The following GSG1L variants were observed in gnomAD, a reference collection of about 807,000 sequenced individuals.
The protein encoded by GSG1L is germ cell-specific gene 1-like protein.
A neutral mutation model predicts 42.1 loss-of-function variants in GSG1L; 24 were observed. The observed-to-expected ratio is 0.57, with a 90% CI of 0.41 to 0.80. The LOEUF (loss-of-function observed/expected upper bound fraction) is 0.80. GSG1L is among the 30% of genes least tolerant of loss of function. The pLI, the probability that GSG1L is intolerant of heterozygous loss-of-function variation, is 0.00. For synonymous variants in GSG1L, 215 were observed against 203.5 expected (o/e 1.06, Z -0.48); for missense variants, 445 against 472.2 (o/e 0.94, Z 0.53).
At chr16:27,981,366 A>G (rs1379074492) in intron 1 of GSG1L, among the ~76,000 whole-genome samples, 1 of 152,212 alleles carries the variant, frequency 6.6e-6, no homozygotes, top group Non-Finnish European at 1.5e-5. Flanking sequence ...AATGATTTTA[A>G]CTGGTTGGCA....
intron 1 of GSG1L, among the ~76,000 whole-genome samples, chr16:28,053,031 G>A (rs1471516272): frequency 6.6e-6 from 1 of 152,368 alleles, no homozygotes; most frequent in Non-Finnish European, 1.5e-5. Flanking sequence ...GGCAGAGAGT[G>A]TGGCCAGTGG....
intron 2 of GSG1L, among the ~76,000 whole-genome samples, chr16:27,920,829 G>A (rs1023394756): frequency 6.6e-6 from 1 of 152,200 alleles, no homozygotes; most frequent in Non-Finnish European, 1.5e-5. Context: ...CTGAGCAGAG[G>A]CAACCAGGCA....
rs1310642451 is a variant in GSG1L at position 27,888,567 on chromosome 16, CTTT to C, written c.398-3932_398-3930del. On this transcript the variant is annotated intron_variant, in intron 2 of 6. Transcript: ENST00000447459. ...TCTTTCTTTCTTTCTTTCTTTCTTT[CTTT>C]CTTTCTTTCTTTCTCCGTCTCTCTC... 2.4e-5 allele frequency among the ~76,000 whole-genome samples: 3 copies of C among 126,822 alleles called. 1 individual carries two copies. The highest frequency in any genetic ancestry group is 9.3e-5 in the African/African-American group (3 of 32,124). The allele number at this position is 126,822 out of a possible 152,430, so 83.2% of individuals were successfully genotyped here.
At chr16:28,052,254 A>C (rs2086229249) in intron 1 of GSG1L, among the ~76,000 whole-genome samples, 1 of 152,060 alleles carries the variant, frequency 6.6e-6, no homozygotes, top group South Asian at 2.1e-4. Flanking sequence ...TCAACCTGTT[A>C]TCAGTGTTCC....
chr16:27,882,979 G>C (rs892132326), intron 3 of GSG1L, among the ~76,000 whole-genome samples: 1 of 151,894 alleles, frequency 6.6e-6, no homozygotes, highest in Non-Finnish European at 1.5e-5. Context: ...TCGTGGTCGG[G>C]GGGATGGGGG....
chr16:27,995,818 G>C (rs2085509068), intron 1 of GSG1L, among the ~76,000 whole-genome samples: 1 of 151,488 alleles, frequency 6.6e-6, no homozygotes, highest in Admixed American at 6.6e-5. Context: ...GGCTCCAGTA[G>C]GCTCTCAACC....
At chr16:28,002,336 G>T (rs2085586760) in intron 1 of GSG1L, among the ~76,000 whole-genome samples, 1 of 152,148 alleles carries the variant, frequency 6.6e-6, no homozygotes, top group Non-Finnish European at 1.5e-5. Flanking sequence ...AGATCCAGGG[G>T]GTGGCCACAC....
chr16:27,993,454 T>C (rs2085476274), intron 1 of GSG1L, among the ~76,000 whole-genome samples: 1 of 152,096 alleles, frequency 6.6e-6, no homozygotes, highest in Non-Finnish European at 1.5e-5. Context: ...CCACTTTCAA[T>C]CATATTTGGA....
intron 1 of GSG1L, among the ~76,000 whole-genome samples, chr16:28,017,165 T>C (rs1302129604): frequency 6.6e-6 from 1 of 152,202 alleles, no homozygotes; most frequent in Non-Finnish European, 1.5e-5. Flanking sequence ...AGGACTGAGA[T>C]AATGGCCTTA....
chr16:27,916,275 C>T (rs2059638576), intron 2 of GSG1L, among the ~76,000 whole-genome samples: 1 of 152,048 alleles, frequency 6.6e-6, no homozygotes, highest in Non-Finnish European at 1.5e-5. Flanking sequence ...TTATCTTCCT[C>T]TGCCCTCTCT....
chr16:27,959,589 C>T lies in GSG1L; in HGVS notation c.397+3567G>A, dbSNP rs558455852. 5.0e-4 allele frequency among the ~76,000 whole-genome samples: 75 copies of T among 150,432 alleles called. 2 individuals are homozygous for T. Among genetic ancestry groups the T allele is most frequent in the Admixed American group, 8.7e-4 (13 of 15,010 alleles). On this transcript the variant is annotated intron_variant, in intron 2 of 6. Coordinates refer to ENST00000447459, the MANE Select transcript of GSG1L (RefSeq NM_001109763.2). ...AAGGGCAGAAGGGCAAAAGGGAGGACGGGAGAAAGGAAGAAAGAAAGAAAA... is the reference window on the plus strand; with the variant it reads ...AAGGGCAGAAGGGCAAAAGGGAGGATGGGAGAAAGGAAGAAAGAAAGAAAA...
intron 1 of GSG1L, among the ~76,000 whole-genome samples, chr16:28,016,639 T>G (rs1453105926): frequency 6.6e-6 from 1 of 152,176 alleles, no homozygotes; most frequent in Non-Finnish European, 1.5e-5. Flanking sequence ...TCTGGAACCT[T>G]TCTCAACCCC....
In GSG1L at chr16:27,884,157, T is replaced by C. The variant is rs1203895395; in HGVS notation, c.550+329A>G. Among the ~76,000 whole-genome samples the C allele has an allele frequency of 6.6e-6, 1 of 152,176 alleles. No homozygotes were observed. The highest frequency in any genetic ancestry group is 2.4e-5 in the African/African-American group (1 of 41,426). On this transcript the variant is annotated intron_variant, in intron 3 of 6. Transcript: ENST00000447459. This position sits in a 1 kb window ranked among gnomAD's most constrained non-coding sequence, Gnocchi z 4.4. ...CCGCCTCCCTTGCTGATACTGCAGATCCAATCCATCACAGACCATGTGGTA... is the reference window on the plus strand; with the variant it reads ...CCGCCTCCCTTGCTGATACTGCAGACCCAATCCATCACAGACCATGTGGTA...
At chr16:27,872,719 T>G (rs2083837653) in intron 3 of GSG1L, among the ~76,000 whole-genome samples, 1 of 152,198 alleles carries the variant, frequency 6.6e-6, no homozygotes, top group Admixed American at 6.5e-5. Context: ...GCTCATTATA[T>G]GCTAATTACA....
At chr16:27,942,711 G>A (rs1202539934) in intron 2 of GSG1L, among the ~76,000 whole-genome samples, 3 of 152,176 alleles carry the variant, frequency 2.0e-5, no homozygotes, top group Non-Finnish European at 4.4e-5. Flanking sequence ...AAATCACAAT[G>A]TGATACCATT....
At chr16:28,022,329 G>T (rs564545476) in intron 1 of GSG1L, among the ~76,000 whole-genome samples, 1 of 152,106 alleles carries the variant, frequency 6.6e-6, no homozygotes, top group Admixed American at 6.5e-5. Flanking sequence ...CTGCATACAT[G>T]TTTTTGTTTT....
intron 1 of GSG1L, among the ~76,000 whole-genome samples, chr16:28,060,593 G>T (rs2086329718): frequency 6.6e-6 from 1 of 152,114 alleles, no homozygotes; most frequent in South Asian, 2.1e-4. Flanking sequence ...CCCCCAAAAT[G>T]CCAACTTCCC....
chr16:27,831,078 T>C (rs1402398597), intron 4 of GSG1L, among the ~76,000 whole-genome samples: 3 of 152,250 alleles, frequency 2.0e-5, no homozygotes, highest in Admixed American at 6.5e-5. Flanking sequence ...GGTGGGCACA[T>C]GACCCAAGTC....
At chr16:28,003,142 G>A (rs1947528294) in intron 1 of GSG1L, among the ~76,000 whole-genome samples, 1 of 152,190 alleles carries the variant, frequency 6.6e-6, no homozygotes, top group Non-Finnish European at 1.5e-5. Context: ...GCAGCCTTAA[G>A]GAGAAATGCT....
Sources: gnomAD v4.1 joint callset for allele counts (sites outside exome capture counted in the v4.1 genomes callset) on GRCh38, gnomAD v4.1.1 for gene constraint, Gnocchi (gnomAD v3.1) non-coding constraint, MANE v1.5 for transcripts, NCBI Gene and HGNC (gene_info 2026-07-23, HGNC 2026-07-21) for gene names.